SZRD1: variants seen among roughly 807,000 people sequenced by gnomAD.
SZRD1 encodes the protein SUZ RNA binding domain containing 1, also known as SUZ RNA-binding domain-containing.
SZRD1 carries 7 observed loss-of-function variants against 17.6 expected under a neutral mutation model. The observed-to-expected ratio is 0.40, with a 90% CI of 0.23 to 0.75. The LOEUF (loss-of-function observed/expected upper bound fraction) is 0.75, where lower values mean the gene tolerates loss of function less well. Ranked by LOEUF, SZRD1 falls within the 30% of genes least tolerant of loss-of-function variation. The probability of loss-of-function intolerance (pLI) is 0.38; values close to 1 mark genes in which losing one functional copy is unlikely to be tolerated. For missense variants in SZRD1, 178 were observed against 201.8 expected (o/e 0.88, Z 0.71); for synonymous variants, 77 against 77.9 (o/e 0.99, Z 0.06).
chr1:16,371,564 C>G (rs1367844729), intron 1 of SZRD1, among the ~76,000 whole-genome samples: 1 of 151,586 alleles, frequency 6.6e-6, no homozygotes, highest in African/African-American at 2.4e-5. Context: ...CGGGTTCACA[C>G]CATTCTCCTG....
At position 16,393,950 on chromosome 1, in the gene SZRD1, C is replaced by A. The variant is rs74055654; in HGVS notation, c.356+468C>A. Among the ~76,000 whole-genome samples the A allele has an allele frequency of 0.027, 4,105 of 152,216 alleles. 183 individuals are homozygous for A. The highest frequency in any genetic ancestry group is 0.092 in the African/African-American group (3,800 of 41,530). On this transcript the variant is annotated intron_variant, in intron 3 of 3. Transcript: ENST00000401088. This position sits in a 1 kb window ranked among gnomAD's most constrained non-coding sequence, Gnocchi z 5.6. ...CTGGGCTGGCAGAGTGGAAAGTACC[C>A]CAGATAAGTGCTTTGATGATATTTT...
intron 1 of SZRD1, among the ~76,000 whole-genome samples, chr1:16,373,205 G>A (rs1334844979): frequency 6.8e-6 from 1 of 148,116 alleles, no homozygotes; most frequent in Non-Finnish European, 1.5e-5. Context: ...CTTGAACTTT[G>A]TCCTGAAAGT....
intron 1 of SZRD1, among the ~76,000 whole-genome samples, chr1:16,376,028 G>C (rs540560696): frequency 6.6e-6 from 1 of 152,194 alleles, no homozygotes; most frequent in African/African-American, 2.4e-5. Flanking sequence ...TTTTGGAAGA[G>C]CTTCTAAGAT....
At chr1:16,373,302 G>A (rs537228326) in intron 1 of SZRD1, among the ~76,000 whole-genome samples, 5 of 151,012 alleles carry the variant, frequency 3.3e-5, no homozygotes, top group African/African-American at 1.2e-4. Flanking sequence ...ATTTTTTGCC[G>A]GACACGATGG....
intron 1 of SZRD1, among the ~76,000 whole-genome samples, chr1:16,375,034 C>T (rs531053472): frequency 6.6e-6 from 1 of 151,840 alleles, no homozygotes; most frequent in Non-Finnish European, 1.5e-5. Flanking sequence ...CTCGCCACTA[C>T]ACCCAGCCAA....
intron 2 of SZRD1, among the ~76,000 whole-genome samples, chr1:16,392,268 C>A (rs2085231076): frequency 1.3e-5 from 2 of 152,196 alleles, no homozygotes; most frequent in Admixed American, 1.3e-4. Context: ...AATCCCGACT[C>A]CTCCTGACAG....
At chr1:16,376,217 T>G (rs1288682554) in intron 1 of SZRD1, among the ~76,000 whole-genome samples, 1 of 152,222 alleles carries the variant, frequency 6.6e-6, no homozygotes, top group Admixed American at 6.5e-5. Context: ...GCAATTTGTT[T>G]ACATTTGCTT....
At chr1:16,378,385 G>A (rs1413977661) in intron 1 of SZRD1, among the ~76,000 whole-genome samples, 3 of 150,476 alleles carry the variant, frequency 2.0e-5, no homozygotes, top group African/African-American at 7.3e-5. Context: ...CCAGGTTTGA[G>A]CAAATTCTCC....
intron 1 of SZRD1, among the ~76,000 whole-genome samples, chr1:16,368,315 A>G (rs939665187): frequency 6.6e-6 from 1 of 152,070 alleles, no homozygotes; most frequent in Non-Finnish European, 1.5e-5. Context: ...GTACCAGGGT[A>G]GAGTAGGCGC....
In SZRD1 at chr1:16,393,128, TAGGG is replaced by T; in HGVS notation, c.102-93_102-90del. ...CCAGAGAATCATGCATGGGTAGAAT[TAGGG>T]AGGGAGAGGAAAGTGATGAGAGGTG... On this transcript the variant is annotated intron_variant, in intron 2 of 3. Transcript: ENST00000401088. The surrounding 1 kb of genome is among the most constrained non-coding windows in gnomAD (Gnocchi z 5.6). The T allele has an allele frequency of 6.8e-7, 1 of 1,472,074 alleles. No individual in the cohort carries two copies. Among genetic ancestry groups the T allele is most frequent in the South Asian group, 1.3e-5 (1 of 79,462 alleles). 91.2% of individuals were successfully genotyped at this position (1,472,074 alleles called of 1,614,324 possible).
chr1:16,382,919 A>G (rs1303218534), intron 1 of SZRD1, among the ~76,000 whole-genome samples: 5 of 149,706 alleles, frequency 3.3e-5, no homozygotes, highest in African/African-American at 4.9e-5. Context: ...CTGCTAGAGT[A>G]CAATGGTGCA....
At chr1:16,373,899 G>A (rs371875377) in intron 1 of SZRD1, among the ~76,000 whole-genome samples, 3 of 152,058 alleles carry the variant, frequency 2.0e-5, no homozygotes, top group East Asian at 1.9e-4. Flanking sequence ...CACCACACCC[G>A]GCCCATAGTT....
intron 1 of SZRD1, among the ~76,000 whole-genome samples, chr1:16,385,943 T>C (rs1007492588): frequency 2.0e-5 from 3 of 152,206 alleles, no homozygotes; most frequent in African/African-American, 7.2e-5. Context: ...ACTGTGCTTC[T>C]TCATGATTTC....
intron 1 of SZRD1, among the ~76,000 whole-genome samples, chr1:16,374,471 CAAG>C (rs2082965576): frequency 6.6e-6 from 1 of 152,218 alleles, no homozygotes; most frequent in South Asian, 2.1e-4. Flanking sequence ...CTCTGGGTAT[CAAG>C]AGAGCTGCCA....
chr1:16,382,250 C>T lies in SZRD1; in HGVS notation c.52-9125C>T, dbSNP rs567265579. Among the ~76,000 whole-genome samples, 226 of 151,874 alleles carry T rather than the reference C, an allele frequency of 1.5e-3. 1 individual carries two copies. Among genetic ancestry groups the T allele is most frequent in the Middle Eastern group, 6.8e-3 (2 of 294 alleles). On this transcript the variant is annotated intron_variant, in intron 1 of 3. Transcript: ENST00000401088. ...TCGCCCAGGCTGGAGTGCAGTGGCC[C>T]GATCTCAGCTCACTGCAGCCTCCGC...
At chr1:16,381,635 T>A (rs2083106134) in intron 1 of SZRD1, among the ~76,000 whole-genome samples, 1 of 151,628 alleles carries the variant, frequency 6.6e-6, no homozygotes, top group Non-Finnish European at 1.5e-5. Context: ...ACAAGCTGCT[T>A]AGAAGCTCGT....
intron 1 of SZRD1, chr1:16,369,263 A>G (rs1486344979): frequency 3.2e-6 from 2 of 616,294 alleles, no homozygotes; most frequent in Admixed American, 2.7e-5. Flanking sequence ...TTCTTCATAT[A>G]TGTTTTGGTG....
At chr1:16,385,102 C>T (rs139815164) in intron 1 of SZRD1, among the ~76,000 whole-genome samples, 153 of 152,226 alleles carry the variant, frequency 1.0e-3, no homozygotes, top group African/African-American at 3.3e-3. Flanking sequence ...AGCAAGGGTC[C>T]CTCTTAGATC....
Position 16,395,173 on chromosome 1 carries a change from C to A in SZRD1, c.*33C>A, listed in dbSNP as rs766295502. The A allele has an allele frequency of 6.7e-7, 1 of 1,497,904 alleles. No homozygotes were observed. Among genetic ancestry groups the A allele is most frequent in the South Asian group, 1.1e-5 (1 of 88,756 alleles). The allele number at this position is 1,497,904 out of a possible 1,614,324, so 92.8% of individuals were successfully genotyped here. A position where few individuals can be genotyped will look rare whatever the true frequency, so the allele number is the denominator to read the frequency against. On this transcript the variant is annotated 3_prime_UTR_variant, in exon 4 of 4. Transcript: ENST00000401088. ...CAAGAAAAGATGCCGCCGTTGCTGCCGTCACCGCCTCCTGGGTCGTCCGCC... is the reference window on the plus strand; with the variant it reads ...CAAGAAAAGATGCCGCCGTTGCTGCAGTCACCGCCTCCTGGGTCGTCCGCC...
Sources: gnomAD v4.1 joint callset for allele counts (sites outside exome capture counted in the v4.1 genomes callset) on GRCh38, gnomAD v4.1.1 for gene constraint, Gnocchi (gnomAD v3.1) non-coding constraint, MANE v1.5 for transcripts, NCBI Gene and HGNC (gene_info 2026-07-23, HGNC 2026-07-21) for gene names.